The following RELCH variants were observed in gnomAD, a reference collection of about 807,000 sequenced individuals.
The protein encoded by RELCH is RAB11-binding protein RELCH.
RELCH carries 41 observed loss-of-function variants against 150.3 expected under a neutral mutation model. The ratio of observed to expected loss-of-function variants is 0.27; its 90% CI spans 0.21 to 0.35. The LOEUF is 0.35. Ranked by LOEUF, RELCH falls within the 10% of genes least tolerant of loss-of-function variation. The probability of loss-of-function intolerance (pLI) is 1.00; values close to 1 mark genes in which losing one functional copy is unlikely to be tolerated. For synonymous variants in RELCH, 478 were observed against 531.8 expected (o/e 0.90, Z 1.39); for missense variants, 1,092 against 1,467.8 (o/e 0.74, Z 4.18).
chr18:62,187,553 T>C lies in RELCH; in HGVS notation c.48T>C (p.Asn16=). 1 of 1,516,374 alleles carries C rather than the reference T, an allele frequency of 6.6e-7. No individual in the cohort carries two copies. The highest frequency in any genetic ancestry group is 1.4e-5 in the African/African-American group (1 of 71,702). 93.9% of individuals were successfully genotyped at this position (1,516,374 alleles called of 1,614,324 possible). The change falls in exon 1 of 29, where the codon AAT becomes AAC. Residue 16 remains asparagine (N), a synonymous_variant. Coordinates refer to ENST00000644646, the MANE Select transcript of RELCH (RefSeq NM_001346231.2). ...PGGSGSGGGV[N]PFLSDSDEDD... is the part of the protein sequence containing the mutation. ...GTAGTGGCAGTGGTGGCGGCGTGAA[T>C]CCATTTCTCAGTGATTCGGATGAGG... is the stretch of plus-strand genomic sequence containing the variant.
At position 62,187,981 on chromosome 18, in the gene RELCH, G is replaced by A. The variant is rs747449278; in HGVS notation, c.476G>A (p.Gly159Glu). ...APGVPGAAGV[G>E]GAGGREPSTA... Reference sequence around the variant, plus strand: ...GGGGTCCCTGGAGCAGCCGGCGTTGGGGGCGCTGGAGGTCGGGAACCGAGT... The same window carrying A: ...GGGGTCCCTGGAGCAGCCGGCGTTGAGGGCGCTGGAGGTCGGGAACCGAGT... The change falls in exon 1 of 29, where the codon GGG becomes GAG. Residue 159 changes from glycine to glutamate, a missense_variant. Gly to Glu is a moderately conservative substitution (Grantham distance 98, BLOSUM62 -2). Coordinates refer to ENST00000644646, the MANE Select transcript of RELCH (RefSeq NM_001346231.2). 4 of 1,600,422 alleles carry A rather than the reference G, an allele frequency of 2.5e-6. No individual in the cohort carries two copies. Among genetic ancestry groups the A allele is most frequent in the Admixed American group, 1.7e-5 (1 of 58,086 alleles).
chr18:62,260,719 A>G (rs986605047), intron 15 of RELCH, among the ~76,000 whole-genome samples: 4 of 152,006 alleles, frequency 2.6e-5, no homozygotes, highest in African/African-American at 9.7e-5. Flanking sequence ...TATATAAACA[A>G]TGGAATATTA....
chr18:62,241,309 C>T (rs1397442128), intron 10 of RELCH, among the ~76,000 whole-genome samples: 2 of 152,158 alleles, frequency 1.3e-5, no homozygotes, highest in African/African-American at 4.8e-5. Flanking sequence ...TCACTGCCCA[C>T]AACAGATCTC....
chr18:62,190,622 A>AT (rs1319664754), intron 1 of RELCH, among the ~76,000 whole-genome samples: 1 of 152,144 alleles, frequency 6.6e-6, no homozygotes, highest in Non-Finnish European at 1.5e-5. Context: ...AATACAGAAC[A>AT]TTTTTATTAT....
chr18:62,298,888 T>C (rs1481523611), intron 28 of RELCH, 28 bp downstream of exon 28: 12 of 1,282,962 alleles, frequency 9.4e-6, no homozygotes, highest in Non-Finnish European at 1.2e-5. Flanking sequence ...TTTTTAAGGC[T>C]ACATGTTAAC....
rs193202637 is a variant in RELCH, at chr18:62,234,577, A to G, written c.1620+2150A>G. ...TCTTTAGTAAACTGAACTTAGTAAT[A>G]TCTTAGCTGATTAAATAAAGCATTG... On this transcript the variant is annotated intron_variant, in intron 10 of 28. Coordinates refer to ENST00000644646, the MANE Select transcript of RELCH (RefSeq NM_001346231.2). Among the ~76,000 whole-genome samples, 270 of 152,114 alleles carry G rather than the reference A, an allele frequency of 1.8e-3. 1 individual carries two copies. Among genetic ancestry groups the G allele is most frequent in the African/African-American group, 6.0e-3 (249 of 41,550 alleles).
At position 62,228,409 on chromosome 18, in the gene RELCH, G is replaced by A; in HGVS notation, c.1259G>A (p.Gly420Glu). ...QLPHKDSEDS[G>E]QHPDVNSSDK... Reference sequence around the variant, plus strand: ...CCCCACAAAGACTCTGAGGACAGTGGACAGCATCCAGATGTAAATAGTTCA... The same window carrying A: ...CCCCACAAAGACTCTGAGGACAGTGAACAGCATCCAGATGTAAATAGTTCA... Residue 420 changes from glycine to glutamate, a missense_variant, in exon 8 of 29, where the codon GGA becomes GAA. Gly to Glu is a moderately conservative substitution (Grantham distance 98, BLOSUM62 -2). Around this residue, in one of 4 missense-constraint regions of RELCH, gnomAD observed 707 missense variants for 1,025.4 expected, o/e 0.69. Coordinates refer to ENST00000644646, the MANE Select transcript of RELCH (RefSeq NM_001346231.2). 1 of 1,613,320 alleles carries A rather than the reference G, an allele frequency of 6.2e-7. No individual in the cohort carries two copies. The highest frequency in any genetic ancestry group is 8.5e-7 in the Non-Finnish European group (1 of 1,179,600).
chr18:62,220,536 A>T (rs1386177441), intron 2 of RELCH, among the ~76,000 whole-genome samples: 1 of 151,918 alleles, frequency 6.6e-6, no homozygotes, highest in Non-Finnish European at 1.5e-5. Flanking sequence ...CTATACGTTG[A>T]TTTATAACAT....
intron 1 of RELCH, among the ~76,000 whole-genome samples, chr18:62,200,549 AG>A (rs2039362292): frequency 6.6e-6 from 1 of 151,764 alleles, no homozygotes; most frequent in Non-Finnish European, 1.5e-5. Flanking sequence ...TAAAAGTAAA[AG>A]GCTGTCCCCA....
chr18:62,299,838 A>G (rs1353440867), intron 28 of RELCH, among the ~76,000 whole-genome samples: 2 of 152,222 alleles, frequency 1.3e-5, no homozygotes, highest in Non-Finnish European at 2.9e-5. Flanking sequence ...ATTCTCTGAT[A>G]TGTATCTTTT....
chr18:62,301,811 T>C (rs1471006420), intron 28 of RELCH, among the ~76,000 whole-genome samples: 1 of 152,172 alleles, frequency 6.6e-6, no homozygotes, highest in African/African-American at 2.4e-5. Flanking sequence ...TGAAGTGTGG[T>C]CTTGGATGGG....
intron 10 of RELCH, among the ~76,000 whole-genome samples, chr18:62,240,582 T>C (rs1258492895): frequency 6.6e-6 from 1 of 151,840 alleles, no homozygotes. Context: ...CTAATTTTTG[T>C]ATTTTTGGTA....
Position 62,231,089 on chromosome 18 carries a change from T to A in RELCH, c.1449-105T>A, listed in dbSNP as rs1035089037. On this transcript the variant is annotated intron_variant, in intron 8 of 28. Transcript: ENST00000644646. ...CAGAAATCTGGTTAGCTTTGTGGGG[T>A]AGGATTAATGCTGGAATGGAAGTTA... 1.3e-4 allele frequency: 97 copies of A among 729,272 alleles called. No homozygotes were observed. The Middle Eastern group carries it at 1.5e-3, about 12-fold the overall frequency. The allele number at this position is 729,272 out of a possible 1,614,324, so 45.2% of individuals were successfully genotyped here.
In RELCH at chr18:62,261,521, A is replaced by G. The variant is rs746107735; in HGVS notation, c.2213A>G (p.His738Arg). 9 of 1,611,326 alleles carry G rather than the reference A, an allele frequency of 5.6e-6. No homozygotes were observed. Among genetic ancestry groups the G allele is most frequent in the South Asian group, 3.3e-5 (3 of 90,810 alleles). ...KIEKLLREGE[H>R]GLDEHKLHMY... ...CTCCTTATGTTTCAGGAAGGAGAAC[A>G]TGGACTGGATGAACACAAACTCCAC... is the stretch of plus-strand genomic sequence containing the variant. The change falls in exon 16 of 29, where the codon CAT becomes CGT. Residue 738 changes from histidine (H) to arginine (R), a missense_variant. By Grantham distance (29) the His-to-Arg change is conservative. Transcript: ENST00000644646.
At position 62,227,449 on chromosome 18, in the gene RELCH, T is replaced by G. The variant is rs769218271; in HGVS notation, c.1019T>G (p.Ile340Arg). The G allele has an allele frequency of 9.3e-6, 15 of 1,613,324 alleles. No individual in the cohort carries two copies. Among genetic ancestry groups the G allele is most frequent in the Non-Finnish European group, 1.3e-5 (15 of 1,179,620 alleles). ...GAATTAGAGGCCCTTACACCAATTA[T>G]AAGCAACCTTCCTCCAACTCTTGAA... ...EDELEALTPI[I>R]SNLPPTLETP... The change falls in exon 6 of 29, where the codon ATA becomes AGA. Residue 340 changes from isoleucine (I) to arginine (R), a missense_variant. Ile to Arg is a moderately conservative substitution (Grantham distance 97). Coordinates refer to ENST00000644646, the MANE Select transcript of RELCH (RefSeq NM_001346231.2).
chr18:62,276,925 TA>T lies in RELCH; in HGVS notation c.2967+1453del, dbSNP rs376797065. ...ATTCGATATGCTGAAAAGGGGGCAT[TA>T]CCATGAAAGAAAAGTCATTCATCAG... On this transcript the variant is annotated intron_variant, in intron 22 of 28. Coordinates refer to ENST00000644646, the MANE Select transcript of RELCH (RefSeq NM_001346231.2). Among the ~76,000 whole-genome samples the T allele has an allele frequency of 2.6e-4, 39 of 152,234 alleles. 4 individuals carry two copies. The highest frequency in any genetic ancestry group is 2.5e-3 in the South Asian group (12 of 4,822).
At chr18:62,195,280 CTGTGTGTGTGTGTGTGTG>C (rs148387504) in intron 1 of RELCH, among the ~76,000 whole-genome samples, 2 of 136,230 alleles carry the variant, frequency 1.5e-5, no homozygotes, top group African/African-American at 2.6e-5. Flanking sequence ...TACACACACT[CTGTGTGTGTGTGTGTGTG>C]TGTGTGTGTG....
intron 1 of RELCH, among the ~76,000 whole-genome samples, chr18:62,208,983 A>C (rs2039991251): frequency 6.6e-6 from 1 of 152,150 alleles, no homozygotes; most frequent in Non-Finnish European, 1.5e-5. Context: ...TCCTTGGCTC[A>C]TGGCCCTCCT....
chr18:62,305,042 A>G lies in RELCH; in HGVS notation c.3531-372A>G, dbSNP rs1256358887. On this transcript the variant is annotated intron_variant, in intron 28 of 28. Transcript: ENST00000644646. This position sits in a 1 kb window ranked among gnomAD's most constrained non-coding sequence, Gnocchi z 4.0. ...CTACTAACAATTACATCATGCTATT[A>G]TGTGCCTAGCACTATACTGAGCACT... 6.6e-6 allele frequency among the ~76,000 whole-genome samples: 1 copy of G among 152,254 alleles called. No individual in the cohort carries two copies. Among genetic ancestry groups the G allele is most frequent in the Non-Finnish European group, 1.5e-5 (1 of 68,038 alleles).
Sources: allele counts gnomAD v4.1 joint callset (sites outside exome capture counted in the v4.1 genomes callset), GRCh38; gene constraint gnomAD v4.1.1; regional missense constraint gnomAD v4.1.1; non-coding constraint Gnocchi (gnomAD v3.1); transcripts MANE v1.5; gene names NCBI Gene and HGNC (gene_info 2026-07-23, HGNC 2026-07-21).